The following CDH18 variants were observed in gnomAD, a reference collection of about 807,000 sequenced individuals.
The protein encoded by CDH18 is cadherin 18, also known as cadherin-18.
Under a neutral mutation model 67.9 loss-of-function variants are expected in CDH18, and 31 were observed. The observed-to-expected ratio is 0.46, with a 90% CI of 0.34 to 0.62. CDH18 has a LOEUF of 0.62. Ranked by LOEUF, CDH18 falls within the 20% of genes least tolerant of loss-of-function variation. CDH18 has a pLI of 0.01. For missense variants in CDH18, 890 were observed against 975.5 expected (o/e 0.91, Z 1.17); for synonymous variants, 362 against 347.2 (o/e 1.04, Z -0.48).
rs531641164 is a variant in CDH18, at chr5:20,376,942, G to A, written c.-579-121437C>T. Among the ~76,000 whole-genome samples the A allele has an allele frequency of 3.3e-5, 5 of 152,020 alleles. No individual in the cohort carries two copies. In the South Asian group the frequency reaches 8.3e-4, roughly 25 times the overall value. ...TGAGGCAGGAGAATTGCTTGAATCC[G>A]GGAGGCAAATGTTGCAGTGAGCCAA... On this transcript the variant is annotated intron_variant, in intron 1 of 14. Transcript: ENST00000507958.
At chr5:20,431,564 C>A (rs61117996) in intron 1 of CDH18, among the ~76,000 whole-genome samples, 3,637 of 151,044 alleles carry the variant, frequency 0.024, 126 homozygotes, top group African/African-American at 0.075. Context: ...AAAGAGCCAA[C>A]CAGCCTATTG....
chr5:19,789,979 C>T (rs1484760494), intron 3 of CDH18, among the ~76,000 whole-genome samples: 2 of 151,782 alleles, frequency 1.3e-5, no homozygotes, highest in Non-Finnish European at 2.9e-5. Flanking sequence ...TAATTACCAT[C>T]GTTATTATTC....
chr5:20,468,763 T>C (rs1481300655), intron 1 of CDH18, among the ~76,000 whole-genome samples: 1 of 152,224 alleles, frequency 6.6e-6, no homozygotes, highest in African/African-American at 2.4e-5. Context: ...AAATTTACTA[T>C]GCCATTATAT....
At chr5:20,538,896 C>CTTT (rs775628726) in intron 1 of CDH18, among the ~76,000 whole-genome samples, 9 of 69,122 alleles carry the variant, frequency 1.3e-4, no homozygotes, top group African/African-American at 2.5e-4. Flanking sequence ...ACATAGCCAA[C>CTTT]TGTTTTTTTT....
At chr5:20,321,854 A>G (rs995928944) in intron 1 of CDH18, among the ~76,000 whole-genome samples, 1 of 152,230 alleles carries the variant, frequency 6.6e-6, no homozygotes, top group Non-Finnish European at 1.5e-5. Context: ...CTTATTATCA[A>G]GCAAGACCAA....
intron 1 of CDH18, among the ~76,000 whole-genome samples, chr5:20,331,612 G>A (rs967380361): frequency 6.6e-6 from 1 of 152,132 alleles, no homozygotes; most frequent in African/African-American, 2.4e-5. Context: ...TTCAACAGGA[G>A]CACTTAGTTA....
intron 5 of CDH18, among the ~76,000 whole-genome samples, chr5:19,700,639 T>C (rs1338506817): frequency 6.6e-6 from 1 of 152,174 alleles, no homozygotes; most frequent in Non-Finnish European, 1.5e-5. Context: ...CTTCACAAAC[T>C]AAGAATGACA....
chr5:20,095,344 AAAGAAAGAAAG>A (rs1178100198), intron 2 of CDH18, among the ~76,000 whole-genome samples: 4 of 94,792 alleles, frequency 4.2e-5, no homozygotes, highest in African/African-American at 1.3e-4. Context: ...AGAAAGAAAG[AAAGAAAGAAAG>A]AAAGAAAAGA....
chr5:19,844,760 G>T (rs938019727), intron 2 of CDH18, among the ~76,000 whole-genome samples: 1 of 152,156 alleles, frequency 6.6e-6, no homozygotes, highest in Non-Finnish European at 1.5e-5. Context: ...ATGACAGACA[G>T]AATCCAGTGG....
At chr5:19,524,798 T>A (rs145926998) in intron 9 of CDH18, among the ~76,000 whole-genome samples, 1 of 152,062 alleles carries the variant, frequency 6.6e-6, no homozygotes, top group Non-Finnish European at 1.5e-5. Flanking sequence ...CAGGCTGGAG[T>A]GCAGTGGCGC....
intron 1 of CDH18, among the ~76,000 whole-genome samples, chr5:20,484,345 C>T (rs1186775821): frequency 6.6e-6 from 1 of 151,992 alleles, no homozygotes; most frequent in Non-Finnish European, 1.5e-5. Context: ...TGAGTTAGTA[C>T]AACCACTATG....
intron 2 of CDH18, among the ~76,000 whole-genome samples, chr5:20,039,998 C>T (rs1740265127): frequency 6.6e-6 from 1 of 151,972 alleles, no homozygotes; most frequent in South Asian, 2.1e-4. Flanking sequence ...AACAAATTTA[C>T]AAGGTAGAAA....
At chr5:19,473,776 T>G in intron 12 of CDH18, 60 bp from the exon 13 acceptor site, 1 of 1,365,624 alleles carries the variant, frequency 7.3e-7, no homozygotes, top group African/African-American at 1.4e-5. Flanking sequence ...TTCTTAGAGA[T>G]TTTACAACAG....
chr5:20,352,899 C>T (rs559989059), intron 1 of CDH18, among the ~76,000 whole-genome samples: 2 of 152,076 alleles, frequency 1.3e-5, no homozygotes, highest in Admixed American at 6.6e-5. Context: ...TAGATATCCT[C>T]ATCTTATAAT....
chr5:20,105,133 A>G (rs538513502), intron 2 of CDH18, among the ~76,000 whole-genome samples: 1 of 152,062 alleles, frequency 6.6e-6, no homozygotes, highest in Admixed American at 6.5e-5. Flanking sequence ...GATTACAGGC[A>G]TATGGAACTA....
At chr5:20,194,111 G>C (rs60552579) in intron 2 of CDH18, among the ~76,000 whole-genome samples, 5,223 of 152,026 alleles carry the variant, frequency 0.034, 305 homozygotes, top group African/African-American at 0.12. Context: ...TGGAAGTTCT[G>C]GCCAGGATAA....
At chr5:20,266,849 A>G (rs2126650529) in intron 1 of CDH18, among the ~76,000 whole-genome samples, 1 of 152,228 alleles carries the variant, frequency 6.6e-6, no homozygotes, top group East Asian at 1.9e-4. Flanking sequence ...AGTGTCTTAT[A>G]CAATTTAGTA....
intron 2 of CDH18, among the ~76,000 whole-genome samples, chr5:19,922,185 A>T (rs763984120): frequency 6.6e-6 from 1 of 152,184 alleles, no homozygotes; most frequent in Admixed American, 6.5e-5. Flanking sequence ...CAATTAATCC[A>T]ATCCCTCTAA....
At chr5:20,384,539 A>G (rs1744163807) in intron 1 of CDH18, among the ~76,000 whole-genome samples, 1 of 152,202 alleles carries the variant, frequency 6.6e-6, no homozygotes, top group Non-Finnish European at 1.5e-5. Context: ...TAATGCTAAA[A>G]TGGACATGGA....
Sources: gnomAD v4.1 joint callset for allele counts (sites outside exome capture counted in the v4.1 genomes callset) on GRCh38, gnomAD v4.1.1 for gene constraint, MANE v1.5 for transcripts, NCBI Gene and HGNC (gene_info 2026-07-23, HGNC 2026-07-21) for gene names.